Variants in SPOCK3 observed in about 807,000 individuals in gnomAD.
SPOCK3 encodes SPARC (osteonectin), cwcv and kazal like domains proteoglycan 3.
Under a neutral mutation model 56.6 loss-of-function variants are expected in SPOCK3, and 30 were observed. That is an observed-to-expected ratio of 0.53 (90% CI 0.40 to 0.72). The LOEUF is 0.72. Among genes scored for constraint, SPOCK3 ranks in the 30% least tolerant of loss-of-function variants. The probability of loss-of-function intolerance (pLI) is 0.00; values close to 1 mark genes in which losing one functional copy is unlikely to be tolerated. For synonymous variants in SPOCK3, 196 were observed against 183.3 expected, an observed-to-expected ratio of 1.07 and a Z score of -0.56; for missense variants, 527 against 530.0, an observed-to-expected ratio of 0.99 and a Z score of 0.06.
At chr4:166,884,087 A>G (rs970726118) in intron 6 of SPOCK3, among the ~76,000 whole-genome samples, 16 of 152,234 alleles carry the variant, frequency 1.1e-4, no homozygotes, top group African/African-American at 3.9e-4. Flanking sequence ...ATATGTTGCA[A>G]TGGCTAGTAG....
intron 8 of SPOCK3, among the ~76,000 whole-genome samples, chr4:166,747,347 C>T (rs978817354): frequency 5.3e-5 from 8 of 152,076 alleles, no homozygotes; most frequent in South Asian, 2.1e-4. Flanking sequence ...AATCAATAAA[C>T]GTAATCCATC....
intron 2 of SPOCK3, among the ~76,000 whole-genome samples, chr4:167,136,974 T>C (rs938614172): frequency 1.3e-5 from 2 of 152,056 alleles, no homozygotes; most frequent in African/African-American, 2.4e-5. Flanking sequence ...GCACCTCAGT[T>C]CTCTCACCCA....
intron 6 of SPOCK3, among the ~76,000 whole-genome samples, chr4:166,857,715 C>A (rs1043258543): frequency 6.6e-6 from 1 of 152,130 alleles, no homozygotes; most frequent in Non-Finnish European, 1.5e-5. Context: ...CTTTCCAGCT[C>A]CAAATATAAA....
chr4:166,747,701 G>T (rs1243903561), intron 8 of SPOCK3, among the ~76,000 whole-genome samples: 1 of 152,086 alleles, frequency 6.6e-6, no homozygotes, highest in Non-Finnish European at 1.5e-5. Context: ...AATTGTCCCT[G>T]TTTGCAGATG....
rs1017285254 is a variant in SPOCK3, at chr4:166,742,140, T to G, written c.932-81A>C. 44 of 1,070,340 alleles carry G rather than the reference T, an allele frequency of 4.1e-5. No homozygotes were observed. The African/African-American group carries it at 4.4e-4, about 11-fold the overall frequency. 66.3% of individuals were successfully genotyped at this position (1,070,340 alleles called of 1,614,324 possible). On this transcript the variant is annotated intron_variant, in intron 8 of 10. Transcript: ENST00000357545. ...AATTTCTATGTTATCAAACTTCACT[T>G]AGTCTTTTTGTGCCTTTGGAAGACA...
chr4:166,892,253 T>G (rs1169800658), intron 5 of SPOCK3, among the ~76,000 whole-genome samples: 2 of 151,958 alleles, frequency 1.3e-5, no homozygotes, highest in African/African-American at 2.4e-5. Flanking sequence ...ATGATTTTCA[T>G]GAAATGATAA....
chr4:166,835,769 G>A (rs1215746943), intron 6 of SPOCK3, among the ~76,000 whole-genome samples: 1 of 152,218 alleles, frequency 6.6e-6, no homozygotes, highest in Non-Finnish European at 1.5e-5. Flanking sequence ...GGAAGCCGAG[G>A]TGGGCGGATC....
At chr4:167,048,505 G>GAAC (rs1431237071) in intron 3 of SPOCK3, among the ~76,000 whole-genome samples, 1 of 152,078 alleles carries the variant, frequency 6.6e-6, no homozygotes, top group Non-Finnish European at 1.5e-5. Context: ...GTATAAAACT[G>GAAC]AACATACCTG....
At chr4:167,137,065 A>G (rs1763180912) in intron 2 of SPOCK3, among the ~76,000 whole-genome samples, 1 of 152,064 alleles carries the variant, frequency 6.6e-6, no homozygotes, top group African/African-American at 2.4e-5. Flanking sequence ...CTTGCCAAAT[A>G]CTAAATATAG....
intron 2 of SPOCK3, among the ~76,000 whole-genome samples, chr4:167,123,224 C>G (rs1172315038): frequency 1.3e-5 from 2 of 151,604 alleles, no homozygotes; most frequent in Non-Finnish European, 2.9e-5. Flanking sequence ...ACAAAGCAGC[C>G]TATTATAAAT....
At position 167,006,817 on chromosome 4, in the gene SPOCK3, T is replaced by C. The variant is rs1020726070; in HGVS notation, c.236-6354A>G. Among the ~76,000 whole-genome samples, 19 of 152,342 alleles carry C rather than the reference T, an allele frequency of 1.2e-4. No individual in the cohort carries two copies. The East Asian group carries it at 3.7e-3, about 29-fold the overall frequency. ...GGCATATTTCTAGCTACGGGTATTG[T>C]TTCCTCATACCTGTTGCTACTACAG... On this transcript the variant is annotated intron_variant, in intron 3 of 10. Coordinates refer to ENST00000357545, the MANE Select transcript of SPOCK3 (RefSeq NM_001040159.2).
At chr4:166,850,635 C>T (rs1328315652) in intron 6 of SPOCK3, among the ~76,000 whole-genome samples, 7 of 152,308 alleles carry the variant, frequency 4.6e-5, no homozygotes, top group African/African-American at 7.2e-5. Context: ...CAAAGCAGGG[C>T]GAGGCATTGC....
At chr4:167,011,679 C>T (rs1750081632) in intron 3 of SPOCK3, among the ~76,000 whole-genome samples, 1 of 152,070 alleles carries the variant, frequency 6.6e-6, no homozygotes. Context: ...GAGATGAATA[C>T]ATTAGTTGGC....
chr4:167,215,797 C>T (rs1580654201), intron 2 of SPOCK3, among the ~76,000 whole-genome samples: 2 of 152,134 alleles, frequency 1.3e-5, no homozygotes, highest in African/African-American at 4.8e-5. Context: ...AAAGAGCTCA[C>T]ACTGCAGTAT....
At chr4:167,033,114 T>C (rs1368146564) in intron 3 of SPOCK3, among the ~76,000 whole-genome samples, 28 of 151,920 alleles carry the variant, frequency 1.8e-4, no homozygotes, top group Non-Finnish European at 1.5e-5. Flanking sequence ...CATGGTATCA[T>C]GACATCATCA....
chr4:166,954,573 TTG>T (rs1743154917), intron 4 of SPOCK3, among the ~76,000 whole-genome samples: 2 of 152,154 alleles, frequency 1.3e-5, no homozygotes, highest in African/African-American at 4.8e-5. Context: ...CCTTTTCCCA[TTG>T]TGTGTTCTTG....
intron 3 of SPOCK3, among the ~76,000 whole-genome samples, chr4:167,021,199 C>T (rs555729504): frequency 7.2e-5 from 11 of 152,134 alleles, no homozygotes; most frequent in African/African-American, 2.6e-4. Flanking sequence ...AAGATATTTA[C>T]TATTTACTAT....
At chr4:166,921,731 A>G (rs1044195338) in intron 4 of SPOCK3, among the ~76,000 whole-genome samples, 1 of 152,234 alleles carries the variant, frequency 6.6e-6, no homozygotes, top group Non-Finnish European at 1.5e-5. Context: ...ACTATAAAAA[A>G]GCCTTTCAAA....
chr4:166,777,178 A>G (rs1739640530), intron 7 of SPOCK3, among the ~76,000 whole-genome samples: 2 of 152,228 alleles, frequency 1.3e-5, no homozygotes, highest in African/African-American at 4.8e-5. Context: ...TATAATTCAA[A>G]TTGTTTTAAA....
Sources: allele counts gnomAD v4.1 joint callset (sites outside exome capture counted in the v4.1 genomes callset), GRCh38; gene constraint gnomAD v4.1.1; transcripts MANE v1.5; gene names NCBI Gene and HGNC (gene_info 2026-07-23, HGNC 2026-07-21).